Variants in ARHGAP24 observed in about 807,000 individuals in gnomAD.
The protein encoded by ARHGAP24 is rho GTPase-activating protein 24.
A neutral mutation model predicts 76.4 loss-of-function variants in ARHGAP24; 50 were observed. The ratio of observed to expected loss-of-function variants is 0.65; its 90% CI spans 0.52 to 0.83. The LOEUF is 0.83. Ranked by LOEUF, ARHGAP24 falls within the 40% of genes least tolerant of loss-of-function variation. The pLI is 0.00. For synonymous variants in ARHGAP24, 345 were observed against 323.3 expected (o/e 1.07, Z -0.72); for missense variants, 930 against 914.2 (o/e 1.02, Z -0.22).
At chr4:85,862,622 T>G (rs551425004) in intron 3 of ARHGAP24, among the ~76,000 whole-genome samples, 2 of 152,074 alleles carry the variant, frequency 1.3e-5, no homozygotes, top group African/African-American at 4.8e-5. Context: ...TGTCCCAGCC[T>G]TCTCCCTTGA....
rs561211393 is a variant in ARHGAP24 at position 85,819,566 on chromosome 4, AG to A, written c.268+97595del. On this transcript the variant is annotated intron_variant, in intron 3 of 9. Transcript: ENST00000395184. ...AAATGAGTAAAAGAAAAATGTATTT[AG>A]TACAAATTTATTAACATACCATAAG... Among the ~76,000 whole-genome samples, 322 of 152,354 alleles carry A rather than the reference AG, an allele frequency of 2.1e-3. 3 individuals carry two copies. Among genetic ancestry groups the A allele is most frequent in the African/African-American group, 7.3e-3 (302 of 41,592 alleles).
chr4:85,541,875 G>A (rs969342236), intron 1 of ARHGAP24, among the ~76,000 whole-genome samples: 2 of 151,964 alleles, frequency 1.3e-5, no homozygotes, highest in African/African-American at 4.8e-5. Context: ...TATTCTTCAC[G>A]ATAGTGTGGA....
intron 3 of ARHGAP24, among the ~76,000 whole-genome samples, chr4:85,818,243 G>A (rs556195425): frequency 3.6e-4 from 55 of 152,206 alleles, no homozygotes; most frequent in African/African-American, 1.3e-3. Flanking sequence ...CACAAAGACC[G>A]GTTTATAGAC....
chr4:85,636,546 TGGG>T (rs1721313129), intron 2 of ARHGAP24, among the ~76,000 whole-genome samples: 1 of 151,606 alleles, frequency 6.6e-6, no homozygotes, highest in Admixed American at 6.7e-5. Context: ...ATAGACTTGT[TGGG>T]AATATTACAC....
chr4:85,885,697 T>C (rs1733524805), intron 3 of ARHGAP24, among the ~76,000 whole-genome samples: 1 of 152,110 alleles, frequency 6.6e-6, no homozygotes, highest in Non-Finnish European at 1.5e-5. Context: ...TGGAGTCCCA[T>C]CTATTTCCAA....
At chr4:85,915,770 A>AT (rs1307352908) in intron 3 of ARHGAP24, among the ~76,000 whole-genome samples, 3 of 152,178 alleles carry the variant, frequency 2.0e-5, no homozygotes, top group African/African-American at 7.2e-5. Flanking sequence ...TTATGGCTGC[A>AT]TAGTATTCCA....
intron 2 of ARHGAP24, among the ~76,000 whole-genome samples, chr4:85,624,881 C>G (rs911146536): frequency 2.0e-5 from 3 of 152,220 alleles, no homozygotes; most frequent in African/African-American, 7.2e-5. Context: ...GCAGTATTCT[C>G]TGATCGTAGT....
chr4:85,641,997 G>A (rs1721540687), intron 2 of ARHGAP24, among the ~76,000 whole-genome samples: 1 of 152,120 alleles, frequency 6.6e-6, no homozygotes, highest in Non-Finnish European at 1.5e-5. Flanking sequence ...ACCCAGCAAG[G>A]CCTGTCCATT....
chr4:85,586,626 G>A (rs769620736), intron 2 of ARHGAP24, among the ~76,000 whole-genome samples: 9 of 152,270 alleles, frequency 5.9e-5, no homozygotes, highest in South Asian at 2.1e-4. Context: ...TGGGCCGGGC[G>A]TGGTGGCTCA....
Position 85,668,629 on chromosome 4 carries a change from T to C in ARHGAP24, c.181-53256T>C, listed in dbSNP as rs1405971084. Among the ~76,000 whole-genome samples the C allele has an allele frequency of 2.0e-5, 3 of 152,182 alleles. No homozygotes were observed. The East Asian group carries it at 5.8e-4, about 29-fold the overall frequency. On this transcript the variant is annotated intron_variant, in intron 2 of 9. Transcript: ENST00000395184. ...CAAAGAGGGAGAGAAGATGTGACTG[T>C]CCTTGCAAAGAGCCTGGCTTTTTTA...
In ARHGAP24 at chr4:85,686,024, G is replaced by A. The variant is rs573775834; in HGVS notation, c.181-35861G>A. ...GTGCAGGCAGCTGTGCTTGGTCTCA[G>A]TTGCTGTTTGGAGTACCTACATGAT... On this transcript the variant is annotated intron_variant, in intron 2 of 9. Coordinates refer to ENST00000395184, the MANE Select transcript of ARHGAP24 (RefSeq NM_001025616.3). Among the ~76,000 whole-genome samples the A allele has an allele frequency of 2.0e-5, 3 of 152,324 alleles. No homozygotes were observed. The East Asian group carries it at 5.8e-4, about 29-fold the overall frequency.
chr4:85,985,110 C>G (rs886195567), intron 8 of ARHGAP24, among the ~76,000 whole-genome samples: 1 of 152,100 alleles, frequency 6.6e-6, no homozygotes, highest in African/African-American at 2.4e-5. Context: ...GCATGAGCCA[C>G]CATGCCCGGC....
chr4:85,910,118 G>A (rs1012934415), intron 3 of ARHGAP24, among the ~76,000 whole-genome samples: 4 of 152,192 alleles, frequency 2.6e-5, no homozygotes, highest in Non-Finnish European at 5.9e-5. Context: ...CTCTCAGCCA[G>A]GCTGCGGCTA....
intron 2 of ARHGAP24, among the ~76,000 whole-genome samples, chr4:85,652,762 G>A (rs1213565878): frequency 2.6e-5 from 4 of 152,158 alleles, no homozygotes; most frequent in South Asian, 2.1e-4. Context: ...AGTTGGGGTG[G>A]TATGTGGTGT....
intron 2 of ARHGAP24, among the ~76,000 whole-genome samples, chr4:85,619,305 T>A (rs1343079055): frequency 6.6e-6 from 1 of 151,636 alleles, no homozygotes; most frequent in Non-Finnish European, 1.5e-5. Flanking sequence ...GGGCTCCCTA[T>A]TTTGTTCCAT....
chr4:85,885,977 C>T (rs1284243939), intron 3 of ARHGAP24, among the ~76,000 whole-genome samples: 1 of 152,086 alleles, frequency 6.6e-6, no homozygotes, highest in Admixed American at 6.6e-5. Context: ...CCTTGTTGCA[C>T]CTGTCCAATG....
intron 3 of ARHGAP24, among the ~76,000 whole-genome samples, chr4:85,888,990 G>A (rs966906698): frequency 2.0e-5 from 3 of 152,082 alleles, no homozygotes; most frequent in Admixed American, 6.5e-5. Flanking sequence ...TTTCCATAGG[G>A]TATATGTATC....
At position 85,771,521 on chromosome 4, in the gene ARHGAP24, C is replaced by T. The variant is rs139958491; in HGVS notation, c.268+49549C>T. 3.3e-3 allele frequency among the ~76,000 whole-genome samples: 497 copies of T among 152,316 alleles called. 2 individuals are homozygous for T. Among genetic ancestry groups the T allele is most frequent in the African/African-American group, 0.011 (466 of 41,572 alleles). ...CTCAGTCTCCTGATTCGAAGGCTAA[C>T]GACTTCTGGAAACACAGTCACAGGC... On this transcript the variant is annotated intron_variant, in intron 3 of 9. Coordinates refer to ENST00000395184, the MANE Select transcript of ARHGAP24 (RefSeq NM_001025616.3).
At chr4:85,647,309 CAAAG>C (rs549668907) in intron 2 of ARHGAP24, among the ~76,000 whole-genome samples, 3 of 152,118 alleles carry the variant, frequency 2.0e-5, no homozygotes, top group African/African-American at 2.4e-5. Flanking sequence ...TTTGTGAAAA[CAAAG>C]AGAATTAAAT....
Sources: allele counts gnomAD v4.1 joint callset (sites outside exome capture counted in the v4.1 genomes callset), GRCh38; gene constraint gnomAD v4.1.1; transcripts MANE v1.5; gene names NCBI Gene and HGNC (gene_info 2026-07-23, HGNC 2026-07-21).